MPC2: variants seen among roughly 807,000 people sequenced by gnomAD.
MPC2 encodes the protein brain protein 44.
A neutral mutation model predicts 19.2 loss-of-function variants in MPC2; 19 were observed. That is an observed-to-expected ratio of 0.99 (90% CI 0.69 to 1.45). The LOEUF is 1.45. Among genes scored for constraint, MPC2 ranks in the 40% most tolerant of loss-of-function variants. MPC2 has a pLI of 0.00. For missense variants in MPC2, 122 were observed against 153.0 expected, an observed-to-expected ratio of 0.80 and a Z score of 1.07; for synonymous variants, 61 against 54.3, an observed-to-expected ratio of 1.12 and a Z score of -0.54.
intron 2 of MPC2, among the ~76,000 whole-genome samples, chr1:167,933,099 A>G (rs1000063971): frequency 6.6e-6 from 1 of 152,170 alleles, no homozygotes; most frequent in Non-Finnish European, 1.5e-5. Flanking sequence ...GAGAGCCTCA[A>G]AATTCTGGCT....
intron 5 of MPC2, among the ~76,000 whole-genome samples, chr1:167,918,734 C>T (rs993356370): frequency 1.3e-5 from 2 of 151,682 alleles, no homozygotes; most frequent in Admixed American, 1.3e-4. Context: ...GCTGGGACTA[C>T]AGGCGCCCGC....
chr1:167,923,401 A>C (rs776165551), intron 3 of MPC2, among the ~76,000 whole-genome samples: 2 of 152,200 alleles, frequency 1.3e-5, no homozygotes, highest in Non-Finnish European at 2.9e-5. Flanking sequence ...TGACAACGTT[A>C]ATGTACCTTG....
At chr1:167,930,181 C>A (rs909757306) in intron 2 of MPC2, among the ~76,000 whole-genome samples, 2 of 152,112 alleles carry the variant, frequency 1.3e-5, no homozygotes, top group Non-Finnish European at 2.9e-5. Context: ...TAAAATAGTA[C>A]CCAAAACATC....
Position 167,918,323 on chromosome 1 carries a change from T to C in MPC2, c.384A>G (p.Ter128=). ...NQELKAKAHK[*] is the part of the protein sequence containing the mutation. Reference sequence around the variant, plus strand: ...ATTGTTCAGGTGATCAGGAACTCTTTTATTTGTGTGCTTTAGCTTTTAGTT... The same window carrying C: ...ATTGTTCAGGTGATCAGGAACTCTTCTATTTGTGTGCTTTAGCTTTTAGTT... The change falls in exon 6 of 6, where the codon TAA becomes TAG. Residue 128 remains the stop codon, a stop_retained_variant. Coordinates refer to ENST00000271373, the MANE Select transcript of MPC2 (RefSeq NM_001143674.4). 6.4e-7 allele frequency: 1 copy of C among 1,566,190 alleles called. No homozygotes were observed. The highest frequency in any genetic ancestry group is 1.4e-5 in the African/African-American group (1 of 73,578).
At chr1:167,926,575 G>C (rs1182182141) in intron 2 of MPC2, among the ~76,000 whole-genome samples, 2 of 152,154 alleles carry the variant, frequency 1.3e-5, no homozygotes, top group Non-Finnish European at 1.5e-5. Context: ...TGTCCCCCCA[G>C]GGGCATTTTT....
At chr1:167,926,795 C>T (rs1333642671) in intron 2 of MPC2, among the ~76,000 whole-genome samples, 1 of 152,180 alleles carries the variant, frequency 6.6e-6, no homozygotes, top group Non-Finnish European at 1.5e-5. Flanking sequence ...TATTTTATGG[C>T]TCTTCAGTTC....
In MPC2 at chr1:167,918,594, CTT is replaced by C. The variant is rs200327028; in HGVS notation, c.348-237_348-236del. Among the ~76,000 whole-genome samples the C allele has an allele frequency of 2.1e-3, 286 of 133,158 alleles. 1 individual carries two copies. Among genetic ancestry groups the C allele is most frequent in the Middle Eastern group, 4.0e-3 (1 of 252 alleles). The allele number at this position is 133,158 out of a possible 152,430, so 87.4% of individuals were successfully genotyped here. The stretch of plus-strand genomic sequence containing the variant: ...ATAATAAGAGCACAACTGCCAAAAA[CTT>C]TTTTTTTTTTTTTTTGAGATGGAGT... On this transcript the variant is annotated intron_variant, in intron 5 of 5. Coordinates refer to ENST00000271373, the MANE Select transcript of MPC2 (RefSeq NM_001143674.4).
intron 2 of MPC2, among the ~76,000 whole-genome samples, chr1:167,927,811 A>C (rs747760160): frequency 1.3e-5 from 2 of 152,222 alleles, no homozygotes; most frequent in Non-Finnish European, 2.9e-5. Flanking sequence ...AACTTCAAAC[A>C]TCAAATTATG....
intron 2 of MPC2, 55 bp from the exon 3 acceptor site, chr1:167,924,592 T>C: frequency 7.8e-7 from 1 of 1,278,528 alleles, no homozygotes; most frequent in East Asian, 2.6e-5. Context: ...ATTATACACG[T>C]CTTTTAACAG....
At chr1:167,936,865 C>CCAA in intron 1 of MPC2, 74 bp downstream of exon 1, 2 of 1,480,144 alleles carry the variant, frequency 1.4e-6, no homozygotes, top group South Asian at 1.2e-5. Flanking sequence ...CCCCTCCTCC[C>CCAA]CTCCCCCACG....
In MPC2 at chr1:167,918,208, C is replaced by A; in HGVS notation, c.*115G>T. On this transcript the variant is annotated 3_prime_UTR_variant, in exon 6 of 6. Coordinates refer to ENST00000271373, the MANE Select transcript of MPC2 (RefSeq NM_001143674.4). The stretch of plus-strand genomic sequence containing the variant: ...TTCTATTGAATCAAGAACTAGCTAC[C>A]AGTTACAGTGCCTTCTAAACACACA... The A allele has an allele frequency of 1.4e-6, 1 of 728,778 alleles. No individual in the cohort carries two copies. Among genetic ancestry groups the A allele is most frequent in the South Asian group, 2.2e-5 (1 of 45,834 alleles). 45.1% of individuals were successfully genotyped at this position (728,778 alleles called of 1,614,324 possible).
intron 1 of MPC2, 97 bp downstream of exon 1, chr1:167,936,842 C>T: frequency 1.5e-6 from 2 of 1,344,286 alleles, no homozygotes; most frequent in Non-Finnish European, 2.1e-6. Flanking sequence ...GGTGTTGAAA[C>T]GGGTGTCCCC....
Position 167,936,939 on chromosome 1 carries a change from C to A in MPC2, c.-58G>T, listed in dbSNP as rs904940635. The A allele has an allele frequency of 6.2e-7, 1 of 1,609,660 alleles. No homozygotes were observed. Among genetic ancestry groups the A allele is most frequent in the African/African-American group, 1.3e-5 (1 of 74,964 alleles). On this transcript the variant is annotated splice_region_variant and 5_prime_UTR_variant, in exon 1 of 6. Coordinates refer to ENST00000271373, the MANE Select transcript of MPC2 (RefSeq NM_001143674.4). ...GTCTCGGGGTGGCTCCTACCCACAC[C>A]TGTTGTGGGACGTGAGGAAAAGGTC...
At chr1:167,925,945 AT>A (rs1670747020) in intron 2 of MPC2, among the ~76,000 whole-genome samples, 1 of 152,200 alleles carries the variant, frequency 6.6e-6, no homozygotes, top group Non-Finnish European at 1.5e-5. Flanking sequence ...TAGTTTTAAA[AT>A]ATGTTTGCTG....
chr1:167,925,246 T>C (rs534051971), intron 2 of MPC2, among the ~76,000 whole-genome samples: 10 of 152,006 alleles, frequency 6.6e-5, no homozygotes, highest in Non-Finnish European at 1.3e-4. Context: ...TGTAAATCTA[T>C]GTACCTATCA....
chr1:167,919,908 A>C, intron 5 of MPC2, 71 bp downstream of exon 5: 1 of 277,404 alleles, frequency 3.6e-6, no homozygotes, highest in Non-Finnish European at 5.9e-6. Flanking sequence ...ACCCCGTCTC[A>C]AAAAAAAAAA....
intron 2 of MPC2, among the ~76,000 whole-genome samples, chr1:167,925,442 C>CGTGTATATATATATATAT (rs1553200802): frequency 2.4e-5 from 2 of 82,474 alleles, no homozygotes; most frequent in African/African-American, 1.0e-4. Context: ...TACATATACA[C>CGTGTATATATATATATAT]ATATATATAT....
chr1:167,918,064 G>T lies in MPC2; in HGVS notation c.*259C>A. ...GGCTGACTGGAACAGAAGGAGGCAG[G>T]GGGTATATACGAGCAAGTATGGTTT... On this transcript the variant is annotated 3_prime_UTR_variant, in exon 6 of 6. Transcript: ENST00000271373. 1 of 326,588 alleles carries T rather than the reference G, an allele frequency of 3.1e-6. No individual in the cohort carries two copies. The allele number at this position is 326,588 out of a possible 1,614,324, so 20.2% of individuals were successfully genotyped here. A position where few individuals can be genotyped will look rare whatever the true frequency, so the allele number is the denominator to read the frequency against.
intron 5 of MPC2, among the ~76,000 whole-genome samples, chr1:167,919,618 A>T (rs902549731): frequency 7.9e-5 from 12 of 152,228 alleles, no homozygotes; most frequent in African/African-American, 2.4e-4. Context: ...AAAGGTTTAC[A>T]TAAGAAATTA....
Sources: allele counts gnomAD v4.1 joint callset (sites outside exome capture counted in the v4.1 genomes callset), GRCh38; gene constraint gnomAD v4.1.1; transcripts MANE v1.5; gene names NCBI Gene and HGNC (gene_info 2026-07-23, HGNC 2026-07-21).